LRRC27: variants seen among roughly 807,000 people sequenced by gnomAD.
The protein encoded by LRRC27 is leucine rich repeat containing 27, also known as leucine-rich repeat-containing protein 27.
In LRRC27, 57 loss-of-function variants were observed where a neutral mutation model predicts 55.0. The observed-to-expected ratio is 1.04, with a 90% CI of 0.84 to 1.29. LRRC27 has a LOEUF of 1.29. Among genes scored for constraint, LRRC27 ranks in the 50% most tolerant of loss-of-function variants. LRRC27 has a pLI of 0.00. For missense variants in LRRC27, 721 were observed against 651.5 expected (o/e 1.11, Z -1.16); for synonymous variants, 278 against 251.9 (o/e 1.10, Z -0.98).
Position 132,333,605 on chromosome 10 carries a change from G to T in LRRC27, c.81G>T (p.Leu27Phe). The change falls in exon 2 of 11, where the codon TTG becomes TTT. Residue 27 changes from leucine to phenylalanine, a missense_variant. Physicochemically the swap from Leu to Phe is conservative, Grantham distance 22 (BLOSUM62 0). Transcript: ENST00000368614. ...LEEGAGQTRS[L>F]PATPSKDVHK... ...AGGGTGCTGGTCAGACTAGGAGCTTGCCTGCCACCCCCTCCAAAGATGTTC... is the reference window on the plus strand; with the variant it reads ...AGGGTGCTGGTCAGACTAGGAGCTTTCCTGCCACCCCCTCCAAAGATGTTC... 1 of 1,612,766 alleles carries T rather than the reference G, an allele frequency of 6.2e-7. No individual in the cohort carries two copies. Among genetic ancestry groups the T allele is most frequent in the Non-Finnish European group, 8.5e-7 (1 of 1,180,018 alleles).
rs1240544851 is a variant in LRRC27 at position 132,348,492 on chromosome 10, C to T, written c.926+136C>T. On this transcript the variant is annotated intron_variant, in intron 6 of 10. Coordinates refer to ENST00000368614, the MANE Select transcript of LRRC27 (RefSeq NM_030626.3). The surrounding 1 kb of genome is among the most constrained non-coding windows in gnomAD (Gnocchi z 4.2). Reference sequence around the variant, plus strand: ...CCACCGTTTACTGTGCAGTGAGTGCCGGTCCCAGGTTTAGGGTAACGGGGA... The same window carrying T: ...CCACCGTTTACTGTGCAGTGAGTGCTGGTCCCAGGTTTAGGGTAACGGGGA... 32 of 1,223,102 alleles carry T rather than the reference C, an allele frequency of 2.6e-5. No homozygotes were observed. The highest frequency in any genetic ancestry group is 4.9e-5 in the East Asian group (2 of 41,032). The allele number at this position is 1,223,102 out of a possible 1,614,324, so 75.8% of individuals were successfully genotyped here. A position where few individuals can be genotyped will look rare whatever the true frequency, so the allele number is the denominator to read the frequency against.
chr10:132,371,079 C>G (rs891516814), intron 10 of LRRC27, among the ~76,000 whole-genome samples: 13 of 152,282 alleles, frequency 8.5e-5, no homozygotes, highest in African/African-American at 3.1e-4. Flanking sequence ...AGAGAACCAT[C>G]TAAGTTCACA....
upstream of LRRC27, among the ~76,000 whole-genome samples, chr10:132,331,234 T>C (rs2066711593): frequency 7.4e-6 from 1 of 134,442 alleles, no homozygotes; most frequent in Admixed American, 7.5e-5. Context: ...AGTGAAATCA[T>C]GGCAGACTCC....
At chr10:132,330,457 G>T (rs1313515394), upstream of LRRC27, 1 of 717,206 alleles carries the variant, frequency 1.4e-6, no homozygotes, top group Non-Finnish European at 2.6e-6. Flanking sequence ...CCACGCTCCT[G>T]AGAAGGTACT....
At chr10:132,354,974 G>A (rs1200827377) in intron 7 of LRRC27, among the ~76,000 whole-genome samples, 1 of 152,236 alleles carries the variant, frequency 6.6e-6, no homozygotes, top group African/African-American at 2.4e-5. Context: ...CCGCAGATGT[G>A]GGCGTTACTC....
intron 7 of LRRC27, among the ~76,000 whole-genome samples, chr10:132,351,972 G>A (rs1419319209): frequency 6.6e-6 from 1 of 152,102 alleles, no homozygotes; most frequent in Non-Finnish European, 1.5e-5. Flanking sequence ...GCAGCCCTGA[G>A]GCCTCCGTGT....
Position 132,364,594 on chromosome 10 carries a change from AGG to A in LRRC27, c.1290-829_1290-828del, listed in dbSNP as rs1564854218. ...GTCCACACCCTGGGGCCCCACACTC[AGG>A]CAGTCCGCGTCCACGCTTACATCTA... On this transcript the variant is annotated intron_variant, in intron 9 of 10. Transcript: ENST00000368614. Among the ~76,000 whole-genome samples the A allele has an allele frequency of 3.6e-3, 76 of 21,352 alleles. 6 individuals carry two copies. The highest frequency in any genetic ancestry group is 0.022 in the Middle Eastern group (1 of 46). The allele number at this position is 21,352 out of a possible 152,430, so 14.0% of individuals were successfully genotyped here. A position where few individuals can be genotyped will look rare whatever the true frequency, so the allele number is the denominator to read the frequency against.
chr10:132,331,871 G>C, upstream of LRRC27: 1 of 1,280,372 alleles, frequency 7.8e-7, no homozygotes, highest in Non-Finnish European at 1.1e-6. Context: ...CCGCGTGCGT[G>C]CGCAGGCGCA....
At position 132,374,175 on chromosome 10, in the gene LRRC27, C is replaced by T. The variant is rs891077844; in HGVS notation, c.1417-891C>T. On this transcript the variant is annotated intron_variant, in intron 10 of 10. Coordinates refer to ENST00000368614, the MANE Select transcript of LRRC27 (RefSeq NM_030626.3). This position sits in a 1 kb window ranked among gnomAD's most constrained non-coding sequence, Gnocchi z 4.4. ...GGGGTGCAGTGGCTCCAGGGACCTG[C>T]TGTGATATGGCTGCATGGTGAGGGG... 2.3e-5 allele frequency among the ~76,000 whole-genome samples: 3 copies of T among 128,056 alleles called. No homozygotes were observed. The highest frequency in any genetic ancestry group is 8.7e-5 in the African/African-American group (3 of 34,426). 84.0% of individuals were successfully genotyped at this position (128,056 alleles called of 152,430 possible).
chr10:132,360,838 C>T (rs960275955), intron 8 of LRRC27, among the ~76,000 whole-genome samples: 1 of 152,196 alleles, frequency 6.6e-6, no homozygotes, highest in Non-Finnish European at 1.5e-5. Flanking sequence ...TTTTGTCATC[C>T]GTTGGTTTCT....
At chr10:132,346,332 T>C (rs774110251) in intron 5 of LRRC27, among the ~76,000 whole-genome samples, 1 of 152,244 alleles carries the variant, frequency 6.6e-6, no homozygotes, top group Non-Finnish European at 1.5e-5. Flanking sequence ...CATAGAGTGA[T>C]TTTTCAGCTA....
chr10:132,353,073 C>T, intron 7 of LRRC27: 1 of 1,527,998 alleles, frequency 6.5e-7, no homozygotes, highest in Non-Finnish European at 8.8e-7. Flanking sequence ...CTCCCTGGGC[C>T]CCAGGAGTCC....
intron 9 of LRRC27, among the ~76,000 whole-genome samples, chr10:132,364,463 ACC>A (rs2068862874): frequency 3.8e-5 from 5 of 132,130 alleles, no homozygotes; most frequent in African/African-American, 1.5e-4. Flanking sequence ...ACTCACACCC[ACC>A]CACACTTACA....
Position 132,378,911 on chromosome 10 carries a change from G to GATCCC in LRRC27, c.*3674_*3678dup, listed in dbSNP as rs2069374695. The GATCCC allele has an allele frequency of 6.5e-6, 1 of 154,846 alleles. No individual in the cohort carries two copies. The highest frequency in any genetic ancestry group is 1.4e-5 in the Non-Finnish European group (1 of 69,712). The allele number at this position is 154,846 out of a possible 1,614,324, so 9.6% of individuals were successfully genotyped here. A position where few individuals can be genotyped will look rare whatever the true frequency, so the allele number is the denominator to read the frequency against. On this transcript the variant is annotated 3_prime_UTR_variant, in exon 11 of 11. Coordinates refer to ENST00000368614, the MANE Select transcript of LRRC27 (RefSeq NM_030626.3). ...TGTTCTTGGGGAGTGCGTGGTGTCA[G>GATCCC]ATCCCATCCTGCTCCTCTCCAGAGT... is the stretch of plus-strand genomic sequence containing the variant.
intron 2 of LRRC27, among the ~76,000 whole-genome samples, chr10:132,335,510 T>C (rs1175422869): frequency 6.6e-6 from 1 of 150,936 alleles, no homozygotes; most frequent in Non-Finnish European, 1.5e-5. Context: ...ATGTCGTCTA[T>C]TGGTTGTTGG....
chr10:132,364,480 C>CCCTTACATCTACCT lies in LRRC27; in HGVS notation c.1290-942_1290-941insTTACATCTACCTCC, dbSNP rs1564853622. 8.6e-4 allele frequency among the ~76,000 whole-genome samples: 128 copies of CCCTTACATCTACCT among 148,378 alleles called. 18 individuals are homozygous for CCCTTACATCTACCT. Among genetic ancestry groups the CCCTTACATCTACCT allele is most frequent in the African/African-American group, 2.9e-3 (116 of 39,600 alleles). ...TCACACCCACCCACACTTACACCCA[C>CCCTTACATCTACCT]CCACACTTACACCCACCCTTACATC... On this transcript the variant is annotated intron_variant, in intron 9 of 10. Transcript: ENST00000368614.
intron 9 of LRRC27, among the ~76,000 whole-genome samples, chr10:132,364,480 C>CGT (rs1564853620): frequency 6.7e-6 from 1 of 148,334 alleles, no homozygotes; most frequent in African/African-American, 2.5e-5. Flanking sequence ...CTTACACCCA[C>CGT]CCACACTTAC....
Position 132,375,360 on chromosome 10 carries a change from C to A in LRRC27, c.*118C>A. On this transcript the variant is annotated 3_prime_UTR_variant, in exon 11 of 11. Coordinates refer to ENST00000368614, the MANE Select transcript of LRRC27 (RefSeq NM_030626.3). ...GCCAGGTTCAGTGTTACCCTGAGGG[C>A]TGATTTCGCGCAGCCTGTTGTTTTC... The A allele has an allele frequency of 1.1e-6, 1 of 893,706 alleles. No individual in the cohort carries two copies. 55.4% of individuals were successfully genotyped at this position (893,706 alleles called of 1,614,324 possible).
At chr10:132,358,563 CAGT>C (rs371645231) in intron 8 of LRRC27, among the ~76,000 whole-genome samples, 2 of 73,008 alleles carry the variant, frequency 2.7e-5, no homozygotes, top group African/African-American at 5.1e-5. Flanking sequence ...GGTGGTGGAG[CAGT>C]GTGGGGAGGA....
Sources: gnomAD v4.1 joint callset for allele counts (sites outside exome capture counted in the v4.1 genomes callset) on GRCh38, gnomAD v4.1.1 for gene constraint, Gnocchi (gnomAD v3.1) non-coding constraint, MANE v1.5 for transcripts, NCBI Gene and HGNC (gene_info 2026-07-23, HGNC 2026-07-21) for gene names.